The following FSCN2 variants were observed in gnomAD, a reference collection of about 807,000 sequenced individuals.
FSCN2 encodes fascin actin-bundling protein 2, retinal, also known as fascin-2.
FSCN2 carries 46 observed loss-of-function variants against 37.8 expected under a neutral mutation model. The ratio of observed to expected loss-of-function variants is 1.22; its 90% CI spans 0.96 to 1.56. FSCN2 has a LOEUF of 1.56. Among genes scored for constraint, FSCN2 ranks in the 40% most tolerant of loss-of-function variants. The probability of loss-of-function intolerance (pLI) is 0.00; values close to 1 mark genes in which losing one functional copy is unlikely to be tolerated. For synonymous variants in FSCN2, 351 were observed against 309.4 expected, an observed-to-expected ratio of 1.13 and a Z score of -1.41; for missense variants, 844 against 730.4, an observed-to-expected ratio of 1.16 and a Z score of -1.79.
intron 3 of FSCN2, 22 bp from the exon 4 acceptor site, chr17:81,536,600 C>T (rs2032886189): frequency 6.2e-7 from 1 of 1,605,830 alleles, no homozygotes; most frequent in Admixed American, 1.7e-5. Flanking sequence ...AGGGGCAGCG[C>T]AGCAGACGCT....
At chr17:81,531,180 A>ATGATGGTGGTGATGGTGG (rs879954358) in intron 1 of FSCN2, among the ~76,000 whole-genome samples, 1 of 115,708 alleles carries the variant, frequency 8.6e-6, no homozygotes, top group African/African-American at 5.2e-5. Context: ...GGTGATGGTG[A>ATGATGGTGGTGATGGTGG]TGATGGTGGT....
chr17:81,536,977 TG>T lies in FSCN2; in HGVS notation c.1378del (p.Ala460ProfsTer?). 1 of 1,540,068 alleles carries T rather than the reference TG, an allele frequency of 6.5e-7. No individual in the cohort carries two copies. The highest frequency in any genetic ancestry group is 8.7e-7 in the Non-Finnish European group (1 of 1,151,680). On this transcript the variant is annotated frameshift_variant, in exon 5 of 5. Coordinates refer to ENST00000417245, the MANE Select transcript of FSCN2 (RefSeq NM_012418.4). LOFTEE classifies it low-confidence loss of function (END_TRUNC). ...FVFEFRERGR[L>X]AIRARSGKYL... ...TTCGAGTTCCGTGAGCGCGGCCGCC[TG>T]GCCATCCGCGCCCGGAGCGGCAAGT...
the FSCN2 span, among the ~76,000 whole-genome samples, chr17:81,517,114 A>C: frequency 6.6e-6 from 1 of 151,990 alleles, no homozygotes; most frequent in Non-Finnish European, 1.5e-5. Context: ...GCTTGAATGC[A>C]CACAGACACT....
chr17:81,517,930 C>T, the FSCN2 span, among the ~76,000 whole-genome samples: 2 of 152,170 alleles, frequency 1.3e-5, no homozygotes, highest in Non-Finnish European at 2.9e-5. Context: ...AAGCCAGAAA[C>T]CACCGTCCCA....
chr17:81,532,748 AGTGATGATG>A (rs1320851666), intron 1 of FSCN2, among the ~76,000 whole-genome samples: 2 of 143,902 alleles, frequency 1.4e-5, no homozygotes, highest in Admixed American at 1.4e-4. Context: ...TGATGATGAC[AGTGATGATG>A]GTGATGGTGG....
At chr17:81,530,419 T>C (rs782075557) in intron 1 of FSCN2, among the ~76,000 whole-genome samples, 12 of 152,132 alleles carry the variant, frequency 7.9e-5, no homozygotes, top group Non-Finnish European at 1.6e-4. Context: ...CCCCAGCAGT[T>C]CCTCCTTCCC....
chr17:81,521,270 G>T, the FSCN2 span, among the ~76,000 whole-genome samples: 1 of 151,384 alleles, frequency 6.6e-6, no homozygotes, highest in Non-Finnish European at 1.5e-5. Context: ...GTTTCTCCAT[G>T]TTGGTCAGGC....
chr17:81,528,902 C>A lies in FSCN2; in HGVS notation c.371C>A (p.Ala124Asp). The A allele has an allele frequency of 6.3e-7, 1 of 1,584,392 alleles. No individual in the cohort carries two copies. The highest frequency in any genetic ancestry group is 8.6e-7 in the Non-Finnish European group (1 of 1,168,954). The change falls in exon 1 of 5, where the codon GCC becomes GAC. Residue 124 changes from alanine (A) to aspartate (D), a missense_variant. Transcript: ENST00000417245. ...GACCAGCTGTCCTGCTTCGCCACAGCCGTTTCCCCGGCCGAGCTGTGGACC... is the reference window on the plus strand; with the variant it reads ...GACCAGCTGTCCTGCTTCGCCACAGACGTTTCCCCGGCCGAGCTGTGGACC... ...TEDQLSCFAT[A>D]VSPAELWTVH...
chr17:81,536,522 C>A lies in FSCN2; in HGVS notation c.1106-100C>A. On this transcript the variant is annotated intron_variant, in intron 3 of 4. Transcript: ENST00000417245. ...ACATGAGGCAATGGCAGGCCTGGGT[C>A]CCTAAGTCCAGGTGTGGCGTTTCCC... 1.9e-6 allele frequency: 3 copies of A among 1,556,380 alleles called. No individual in the cohort carries two copies. The South Asian group carries it at 3.5e-5, about 18-fold the overall frequency.
At position 81,531,143 on chromosome 17, in the gene FSCN2, G is replaced by A. The variant is rs979358343; in HGVS notation, c.826+1786G>A. 3.1e-4 allele frequency among the ~76,000 whole-genome samples: 46 copies of A among 148,474 alleles called. 1 individual carries two copies. Among genetic ancestry groups the A allele is most frequent in the African/African-American group, 1.1e-3 (44 of 40,344 alleles). On this transcript the variant is annotated intron_variant, in intron 1 of 4. Coordinates refer to ENST00000417245, the MANE Select transcript of FSCN2 (RefSeq NM_012418.4). ...GTGGTGACAGTGTGGTGGCAGCAGC[G>A]ACAATGATGGTGATGGTGATGATGG... is the stretch of plus-strand genomic sequence containing the variant.
the FSCN2 span, among the ~76,000 whole-genome samples, chr17:81,515,377 G>A: frequency 1.3e-5 from 2 of 152,226 alleles, no homozygotes; most frequent in Admixed American, 1.3e-4. Flanking sequence ...TCCGGAGCCG[G>A]GAGAGTCGGC....
chr17:81,531,318 ATGATGGTGG>A (rs142557936), intron 1 of FSCN2, among the ~76,000 whole-genome samples: 14,268 of 39,456 alleles, frequency 0.36, 1,145 homozygotes, highest in Admixed American at 0.43. Context: ...GGTGGTGGTG[ATGATGGTGG>A]TGGTGGTGAT....
chr17:81,530,644 C>T, intron 1 of FSCN2: 1 of 511,562 alleles, frequency 2.0e-6, no homozygotes, highest in Admixed American at 2.0e-5. Context: ...CTCCCAGGTG[C>T]CCACCAAGCC....
chr17:81,525,618 G>A (rs1222595156), upstream of FSCN2, among the ~76,000 whole-genome samples: 1 of 151,962 alleles, frequency 6.6e-6, no homozygotes, highest in Admixed American at 6.6e-5. Context: ...CCAGCAACTC[G>A]GGAGGCCGAG....
At chr17:81,520,392 G>A in the FSCN2 span, among the ~76,000 whole-genome samples, 1 of 152,166 alleles carries the variant, frequency 6.6e-6, no homozygotes, top group Non-Finnish European at 1.5e-5. Flanking sequence ...ACCCTGGGGA[G>A]CCCCCTATGC....
intron 1 of FSCN2, among the ~76,000 whole-genome samples, chr17:81,531,699 G>GTGATGA (rs1247219773): frequency 1.1e-5 from 1 of 90,964 alleles, no homozygotes; most frequent in Non-Finnish European, 2.0e-5. Flanking sequence ...GATGGTGATG[G>GTGATGA]TGATGATGAT....
At chr17:81,518,532 C>G in the FSCN2 span, among the ~76,000 whole-genome samples, 1 of 152,138 alleles carries the variant, frequency 6.6e-6, no homozygotes, top group East Asian at 1.9e-4. Context: ...ATCTCAAAAA[C>G]GTGGAAGGGG....
rs774447254 is a variant in FSCN2 at position 81,536,593 on chromosome 17, G to A, written c.1106-29G>A. The A allele has an allele frequency of 6.2e-7, 1 of 1,604,976 alleles. No individual in the cohort carries two copies. Among genetic ancestry groups the A allele is most frequent in the Non-Finnish European group, 8.5e-7 (1 of 1,179,486 alleles). On this transcript the variant is annotated intron_variant, in intron 3 of 4. Coordinates refer to ENST00000417245, the MANE Select transcript of FSCN2 (RefSeq NM_012418.4). ...CCTGGACAGGGAAGGTGGCGGGAGG[G>A]GCAGCGCAGCAGACGCTCTCCCCGC...
intron 2 of FSCN2, among the ~76,000 whole-genome samples, chr17:81,535,531 CCAT>C (rs201102572): frequency 0.015 from 1,642 of 109,434 alleles, 45 homozygotes; most frequent in Non-Finnish European, 0.022. Context: ...ATCTCCATCA[CCAT>C]CATCACCATC....
Sources: gnomAD v4.1 joint callset for allele counts (sites outside exome capture counted in the v4.1 genomes callset) on GRCh38, gnomAD v4.1.1 for gene constraint, MANE v1.5 for transcripts, NCBI Gene and HGNC (gene_info 2026-07-23, HGNC 2026-07-21) for gene names.